Variants in TMEM132D observed in about 807,000 individuals in gnomAD.
The protein encoded by TMEM132D is mature OL transmembrane protein.
Under a neutral mutation model 62.3 loss-of-function variants are expected in TMEM132D, and 21 were observed. That is an observed-to-expected ratio of 0.34 (90% CI 0.24 to 0.49). The LOEUF is 0.49. TMEM132D is among the 20% of genes least tolerant of loss of function. The pLI is 0.99. For missense variants in TMEM132D, 1,346 were observed against 1,402.8 expected (o/e 0.96, Z 0.65); for synonymous variants, 621 against 575.6 (o/e 1.08, Z -1.13).
intron 2 of TMEM132D, among the ~76,000 whole-genome samples, chr12:129,539,233 G>C (rs1016507066): frequency 7.9e-6 from 1 of 126,692 alleles, no homozygotes; most frequent in Non-Finnish European, 1.6e-5. Flanking sequence ...TTTATTTCCG[G>C]ATTTTTTTTT....
intron 1 of TMEM132D, among the ~76,000 whole-genome samples, chr12:129,771,117 A>G (rs1870739165): frequency 6.6e-6 from 1 of 152,056 alleles, no homozygotes; most frequent in Admixed American, 6.5e-5. Flanking sequence ...CTCTCCCCAA[A>G]CAGCTCATGT....
At chr12:129,822,025 C>T (rs949542133) in intron 1 of TMEM132D, among the ~76,000 whole-genome samples, 1 of 152,156 alleles carries the variant, frequency 6.6e-6, no homozygotes, top group Admixed American at 6.5e-5. Context: ...GATCTTTGTA[C>T]TCATGGAGCA....
chr12:129,900,181 C>A (rs1875305945), intron 1 of TMEM132D, among the ~76,000 whole-genome samples: 1 of 152,164 alleles, frequency 6.6e-6, no homozygotes, highest in South Asian at 2.1e-4. Context: ...TCTCACCCAG[C>A]TGGAAATCGA....
intron 2 of TMEM132D, among the ~76,000 whole-genome samples, chr12:129,668,131 G>A (rs1194215819): frequency 1.3e-5 from 2 of 150,556 alleles, no homozygotes; most frequent in African/African-American, 4.9e-5. Flanking sequence ...AAAAGCGAAT[G>A]GCATCTGGTT....
At chr12:129,565,364 A>T (rs1877341079) in intron 2 of TMEM132D, among the ~76,000 whole-genome samples, 1 of 152,172 alleles carries the variant, frequency 6.6e-6, no homozygotes, top group South Asian at 2.1e-4. Flanking sequence ...GACCCAATAA[A>T]AACCACAGGA....
At chr12:129,531,341 C>T (rs996436400) in intron 2 of TMEM132D, 136 bp from the exon 3 acceptor site, 2 of 1,084,688 alleles carry the variant, frequency 1.8e-6, no homozygotes, top group African/African-American at 3.1e-5. Flanking sequence ...GATTTAAACA[C>T]AAATTTGCAG....
intron 3 of TMEM132D, among the ~76,000 whole-genome samples, chr12:129,496,346 T>G (rs1460526507): frequency 6.6e-6 from 1 of 152,128 alleles, no homozygotes; most frequent in East Asian, 1.9e-4. Flanking sequence ...CATTCCCGAC[T>G]GGTTTTAGAG....
At chr12:129,477,119 A>T (rs753143512) in intron 3 of TMEM132D, among the ~76,000 whole-genome samples, 2 of 152,172 alleles carry the variant, frequency 1.3e-5, no homozygotes, top group Non-Finnish European at 2.9e-5. Flanking sequence ...TTTAACAGGG[A>T]TGTTTAGTAG....
At chr12:129,352,377 C>T (rs1233025642) in intron 3 of TMEM132D, among the ~76,000 whole-genome samples, 2 of 151,988 alleles carry the variant, frequency 1.3e-5, no homozygotes, top group Non-Finnish European at 2.9e-5. Context: ...GGACGCCTTC[C>T]TCCTTTTACT....
intron 1 of TMEM132D, among the ~76,000 whole-genome samples, chr12:129,843,124 G>C (rs1246206729): frequency 6.6e-6 from 1 of 152,118 alleles, no homozygotes; most frequent in African/African-American, 2.4e-5. Flanking sequence ...CTGCCTGTAA[G>C]ATGTTGTTTA....
intron 2 of TMEM132D, among the ~76,000 whole-genome samples, chr12:129,531,655 T>C (rs1729689442): frequency 1.3e-5 from 2 of 152,162 alleles, no homozygotes; most frequent in South Asian, 2.1e-4. Context: ...GTCTATATTA[T>C]CTGATCTTCC....
At chr12:129,351,861 T>C (rs1025304457) in intron 3 of TMEM132D, among the ~76,000 whole-genome samples, 1 of 152,228 alleles carries the variant, frequency 6.6e-6, no homozygotes, top group Non-Finnish European at 1.5e-5. Context: ...AGAACAACCC[T>C]CACCATACCA....
intron 3 of TMEM132D, among the ~76,000 whole-genome samples, chr12:129,367,630 G>A (rs1346140238): frequency 6.6e-6 from 1 of 152,160 alleles, no homozygotes; most frequent in Non-Finnish European, 1.5e-5. Context: ...GCGGCCAAGA[G>A]GATGAGTGGT....
intron 5 of TMEM132D, among the ~76,000 whole-genome samples, chr12:129,171,338 C>A (rs73163125): frequency 0.18 from 27,743 of 152,088 alleles, 2,633 homozygotes; most frequent in South Asian, 0.26. Context: ...TTCCCCCACA[C>A]CTGCACTGAC....
chr12:129,188,928 G>A (rs938184687), intron 5 of TMEM132D, among the ~76,000 whole-genome samples: 16 of 152,294 alleles, frequency 1.1e-4, no homozygotes, highest in African/African-American at 2.9e-4. Flanking sequence ...GGCATGCACC[G>A]TTCTGACTTC....
In TMEM132D at chr12:129,074,724, G is replaced by A. The variant is rs1221677956; in HGVS notation, c.2451C>T (p.His817=). ...TTCTGTCACTGACATTGTTTTCCAT[G>A]TGAACCCCTGCCCCTGTGTGTCTGC... ...SDSRHTGAGV[H]MENNVSDRRP... The change falls in exon 9 of 9, where the codon CAC becomes CAT. Residue 817 remains histidine, a synonymous_variant. Coordinates refer to ENST00000422113, the MANE Select transcript of TMEM132D (RefSeq NM_133448.3). 5.0e-6 allele frequency: 8 copies of A among 1,613,980 alleles called. No homozygotes were observed. Among genetic ancestry groups the A allele is most frequent in the Admixed American group, 3.3e-5 (2 of 59,996 alleles).
At chr12:129,258,248 T>A (rs575704418) in intron 4 of TMEM132D, among the ~76,000 whole-genome samples, 35 of 152,154 alleles carry the variant, frequency 2.3e-4, no homozygotes, top group Non-Finnish European at 4.9e-4. Flanking sequence ...AAGAAGATAA[T>A]CTATGTATAG....
At chr12:129,805,185 AAAC>A (rs1385077500) in intron 1 of TMEM132D, among the ~76,000 whole-genome samples, 3 of 151,830 alleles carry the variant, frequency 2.0e-5, no homozygotes, top group Non-Finnish European at 4.4e-5. Flanking sequence ...GAATTGGAAA[AAAC>A]TACTTTAAAG....
intron 2 of TMEM132D, among the ~76,000 whole-genome samples, chr12:129,628,964 TTC>T (rs557485530): frequency 7.9e-5 from 12 of 151,884 alleles, no homozygotes; most frequent in Admixed American, 1.3e-4. Flanking sequence ...TCATGTCTTT[TTC>T]TCTGTTTCTC....
Sources: allele counts gnomAD v4.1 joint callset (sites outside exome capture counted in the v4.1 genomes callset), GRCh38; gene constraint gnomAD v4.1.1; transcripts MANE v1.5; gene names NCBI Gene and HGNC (gene_info 2026-07-23, HGNC 2026-07-21).